The following PLCE1 variants were observed in gnomAD, a reference collection of about 807,000 sequenced individuals.
PLCE1 encodes the protein phospholipase C epsilon 1, also known as 1-phosphatidylinositol 4,5-bisphosphate phosphodiesterase epsilon-1.
Under a neutral mutation model 242.8 loss-of-function variants are expected in PLCE1, and 119 were observed. That is an observed-to-expected ratio of 0.49 (90% CI 0.42 to 0.57). PLCE1 has a LOEUF of 0.57. Among genes scored for constraint, PLCE1 ranks in the 20% least tolerant of loss-of-function variants. PLCE1 has a pLI of 0.00. For synonymous variants in PLCE1, 945 were observed against 1,017.4 expected, an observed-to-expected ratio of 0.93 and a Z score of 1.35; for missense variants, 2,441 against 2,788.8, an observed-to-expected ratio of 0.88 and a Z score of 2.81.
Position 94,324,974 on chromosome 10 carries a change from G to T in PLCE1, c.6803G>T (p.Gly2268Val), listed in dbSNP as rs1383013974. ...KLTKSTKQPR[G>V]LTSPSQLLTS... ...ACCAAGTCAACTAAACAGCCCCGAG[G>T]ACTTACATCACCTTCTCAGCTCTTG... Residue 2268 changes from glycine to valine, a missense_variant, in exon 32 of 33, where the codon GGA becomes GTA. Coordinates refer to ENST00000371380, the MANE Select transcript of PLCE1 (RefSeq NM_016341.4). 2.5e-6 allele frequency: 4 copies of T among 1,613,984 alleles called. No individual in the cohort carries two copies. The highest frequency in any genetic ancestry group is 3.4e-6 in the Non-Finnish European group (4 of 1,179,986).
At chr10:94,128,110 C>T (rs2046488604) in intron 2 of PLCE1, among the ~76,000 whole-genome samples, 1 of 151,756 alleles carries the variant, frequency 6.6e-6, no homozygotes, top group African/African-American at 2.4e-5. Flanking sequence ...GCCTCAGCCT[C>T]CCGAGTAGCT....
chr10:94,092,082 A>G (rs575733241), intron 2 of PLCE1, among the ~76,000 whole-genome samples: 3 of 152,342 alleles, frequency 2.0e-5, no homozygotes, highest in South Asian at 2.1e-4. Context: ...GATGCAAGGA[A>G]CGGAAAACCA....
At chr10:94,175,146 C>T (rs753579578) in intron 4 of PLCE1, among the ~76,000 whole-genome samples, 2 of 152,162 alleles carry the variant, frequency 1.3e-5, no homozygotes, top group African/African-American at 4.8e-5. Flanking sequence ...TCTTCAAAGT[C>T]TATCTCTTCT....
chr10:94,193,111 C>G (rs909370476), intron 4 of PLCE1, among the ~76,000 whole-genome samples: 8 of 152,158 alleles, frequency 5.3e-5, no homozygotes, highest in African/African-American at 1.9e-4. Flanking sequence ...TATCATCTGG[C>G]CCTTTACAGA....
At chr10:94,319,848 G>A (rs532578702) in intron 29 of PLCE1, among the ~76,000 whole-genome samples, 1 of 129,194 alleles carries the variant, frequency 7.7e-6, no homozygotes, top group Admixed American at 7.7e-5. Flanking sequence ...AGCTCTGAGG[G>A]AGGCTCAAAG....
At chr10:94,117,626 A>G (rs969376662) in intron 2 of PLCE1, among the ~76,000 whole-genome samples, 5 of 152,182 alleles carry the variant, frequency 3.3e-5, no homozygotes, top group African/African-American at 9.7e-5. Flanking sequence ...GAATCACTAG[A>G]TCATGGTGGG....
At chr10:94,175,541 A>T (rs967727998) in intron 4 of PLCE1, among the ~76,000 whole-genome samples, 3 of 152,190 alleles carry the variant, frequency 2.0e-5, no homozygotes, top group African/African-American at 7.2e-5. Context: ...CCATCATCTC[A>T]AGTACTGATC....
chr10:94,092,812 A>G (rs2045131093), intron 2 of PLCE1, among the ~76,000 whole-genome samples: 1 of 152,238 alleles, frequency 6.6e-6, no homozygotes, highest in Admixed American at 6.5e-5. Flanking sequence ...AGCAAAAATA[A>G]GAGAGACTTT....
Position 94,031,808 on chromosome 10 carries a change from T to C in PLCE1, c.762T>C (p.Asp254=). The C allele has an allele frequency of 1.2e-6, 2 of 1,613,816 alleles. No homozygotes were observed. Among genetic ancestry groups the C allele is most frequent in the Middle Eastern group, 1.6e-4 (1 of 6,062 alleles). Residue 254 remains aspartate (D), a synonymous_variant, in exon 2 of 33, where the codon GAT becomes GAC. Coordinates refer to ENST00000371380, the MANE Select transcript of PLCE1 (RefSeq NM_016341.4). The part of the protein sequence containing the change: ...CDNKNEQLQC[D]HCDTLNDKYF... ...ATAAGAATGAGCAGCTGCAGTGTGATCATTGTGACACCTTGAATGATAAAT... is the reference window on the plus strand; with the variant it reads ...ATAAGAATGAGCAGCTGCAGTGTGACCATTGTGACACCTTGAATGATAAAT...
chr10:94,275,191 T>C (rs1267623835), intron 19 of PLCE1, among the ~76,000 whole-genome samples: 1 of 152,160 alleles, frequency 6.6e-6, no homozygotes, highest in East Asian at 1.9e-4. Context: ...TCCTTCCTTT[T>C]CCTCCTTCTC....
intron 4 of PLCE1, among the ~76,000 whole-genome samples, chr10:94,208,769 G>T (rs2049245504): frequency 6.6e-6 from 1 of 152,196 alleles, no homozygotes; most frequent in African/African-American, 2.4e-5. Flanking sequence ...TCTCCCAGCT[G>T]GTTCTGAAAC....
chr10:94,259,523 A>G (rs2051221562), intron 13 of PLCE1, among the ~76,000 whole-genome samples: 1 of 152,140 alleles, frequency 6.6e-6, no homozygotes, highest in African/African-American at 2.4e-5. Context: ...TGACCTCGTG[A>G]TCTGCCACCT....
Position 94,229,201 on chromosome 10 carries a change from C to CAAA in PLCE1, c.1955+1757_1955+1759dup, listed in dbSNP as rs35857376. Among the ~76,000 whole-genome samples, 1,304 of 148,638 alleles carry CAAA rather than the reference C, an allele frequency of 8.8e-3. 28 individuals carry two copies. Among genetic ancestry groups the CAAA allele is most frequent in the East Asian group, 0.054 (274 of 5,054 alleles). On this transcript the variant is annotated intron_variant, in intron 5 of 32. Coordinates refer to ENST00000371380, the MANE Select transcript of PLCE1 (RefSeq NM_016341.4). ...TGTATCAAAAAACAAAACAAACAAA[C>CAAA]AAAAAAAAACAGAAAAAAGAAAATA...
rs371328192 is a variant in PLCE1 at position 94,079,107 on chromosome 10, G to A, written c.1206+46855G>A. 1.4e-3 allele frequency among the ~76,000 whole-genome samples: 220 copies of A among 152,120 alleles called. 1 individual carries two copies. The highest frequency in any genetic ancestry group is 5.1e-3 in the African/African-American group (212 of 41,482). ...ATTAATTAAATTGTAATTGGTAGCC[G>A]TTACAAAATTTTTGAGAAAAAAAAT... is the stretch of plus-strand genomic sequence containing the variant. On this transcript the variant is annotated intron_variant, in intron 2 of 32. Coordinates refer to ENST00000371380, the MANE Select transcript of PLCE1 (RefSeq NM_016341.4).
intron 2 of PLCE1, among the ~76,000 whole-genome samples, chr10:94,061,186 G>A (rs1412834542): frequency 6.6e-6 from 1 of 152,158 alleles, no homozygotes; most frequent in Non-Finnish European, 1.5e-5. Flanking sequence ...CCTGATCAGA[G>A]AGAACTTTCC....
chr10:94,041,428 G>A (rs1166599708), intron 2 of PLCE1, among the ~76,000 whole-genome samples: 1 of 152,008 alleles, frequency 6.6e-6, no homozygotes, highest in Non-Finnish European at 1.5e-5. Context: ...TGCAAACCCA[G>A]CAATCCATGC....
At chr10:94,320,571 T>C (rs1271124367) in intron 29 of PLCE1, among the ~76,000 whole-genome samples, 1 of 152,202 alleles carries the variant, frequency 6.6e-6, no homozygotes, top group Non-Finnish European at 1.5e-5. Flanking sequence ...GGTTAGTTAG[T>C]TAGCACCCAT....
intron 2 of PLCE1, among the ~76,000 whole-genome samples, chr10:94,116,473 T>A (rs1199716676): frequency 6.6e-6 from 1 of 152,166 alleles, no homozygotes; most frequent in Non-Finnish European, 1.5e-5. Flanking sequence ...GGCAGGCAGA[T>A]CACCTGAGAT....
At chr10:94,317,798 T>C (rs1564892007) in intron 29 of PLCE1, among the ~76,000 whole-genome samples, 1 of 152,232 alleles carries the variant, frequency 6.6e-6, no homozygotes, top group East Asian at 1.9e-4. Context: ...TAAGGTCATT[T>C]CTCTAGCATA....
Sources: allele counts gnomAD v4.1 joint callset (sites outside exome capture counted in the v4.1 genomes callset), GRCh38; gene constraint gnomAD v4.1.1; transcripts MANE v1.5; gene names NCBI Gene and HGNC (gene_info 2026-07-23, HGNC 2026-07-21).